Variants in P2RX1 observed in about 807,000 individuals in gnomAD.
P2RX1 encodes P2X purinoceptor 1.
Under a neutral mutation model 50.3 loss-of-function variants are expected in P2RX1, and 42 were observed. The ratio of observed to expected loss-of-function variants is 0.83; its 90% CI spans 0.65 to 1.08. P2RX1 has a LOEUF of 1.08. Among genes scored for constraint, P2RX1 ranks in the 50% least tolerant of loss-of-function variants. The probability of loss-of-function intolerance (pLI) is 0.00; values close to 1 mark genes in which losing one functional copy is unlikely to be tolerated. For synonymous variants in P2RX1, 199 were observed against 202.6 expected (o/e 0.98, Z 0.15); for missense variants, 449 against 529.0 (o/e 0.85, Z 1.48).
chr17:3,908,281 C>A (rs185303284), intron 1 of P2RX1, among the ~76,000 whole-genome samples: 2 of 152,296 alleles, frequency 1.3e-5, no homozygotes, highest in East Asian at 1.9e-4. Context: ...TGACTATGGG[C>A]TGGGCGCGGT....
In P2RX1 at chr17:3,899,966, T is replaced by G. The variant is rs185923067; in HGVS notation, c.748-205A>C. On this transcript the variant is annotated intron_variant, in intron 7 of 11. Transcript: ENST00000225538. ...AAATACAAAAATTAGCCAGGTGTGG[T>G]GGCGCACGCCTGTAATACCAACTAC... 1.8e-4 allele frequency among the ~76,000 whole-genome samples: 28 copies of G among 152,124 alleles called. No homozygotes were observed. The East Asian group carries it at 5.2e-3, about 28-fold the overall frequency.
At chr17:3,902,397 G>A (rs2056166100) in intron 7 of P2RX1, among the ~76,000 whole-genome samples, 1 of 151,766 alleles carries the variant, frequency 6.6e-6, no homozygotes, top group Admixed American at 6.6e-5. Flanking sequence ...AGGTTCAAGC[G>A]ATTCTCCGGT....
At chr17:3,916,002 C>T (rs780519498) in intron 1 of P2RX1, 87 bp downstream of exon 1, 26 of 1,472,416 alleles carry the variant, frequency 1.8e-5, no homozygotes, top group East Asian at 2.4e-5. Flanking sequence ...AAGAGGGGCT[C>T]GCTGGTGTCA....
chr17:3,907,512 C>T (rs888456333), intron 1 of P2RX1, among the ~76,000 whole-genome samples: 1 of 152,138 alleles, frequency 6.6e-6, no homozygotes, highest in African/African-American at 2.4e-5. Flanking sequence ...CTCTCCAGGC[C>T]TCTTAGTCCC....
chr17:3,903,074 AG>A lies in P2RX1; in HGVS notation c.747+127del. The A allele has an allele frequency of 7.6e-7, 1 of 1,313,388 alleles. No homozygotes were observed. Among genetic ancestry groups the A allele is most frequent in the Non-Finnish European group, 1.1e-6 (1 of 940,360 alleles). The allele number at this position is 1,313,388 out of a possible 1,614,324, so 81.4% of individuals were successfully genotyped here. ...CTGACGCTCAGGGGGCCCCAGTATC[AG>A]GGGACAGACCCATACATATACTCAG... On this transcript the variant is annotated intron_variant, in intron 7 of 11. Coordinates refer to ENST00000225538, the MANE Select transcript of P2RX1 (RefSeq NM_002558.4). This position sits in a 1 kb window ranked among gnomAD's most constrained non-coding sequence, Gnocchi z 4.6.
chr17:3,901,417 G>C (rs9914606), intron 7 of P2RX1, among the ~76,000 whole-genome samples: 4,076 of 152,272 alleles, frequency 0.027, 196 homozygotes, highest in African/African-American at 0.093. Context: ...TTCAGCATGT[G>C]TGTTGCTCCG....
chr17:3,907,358 G>A (rs1271157815), intron 1 of P2RX1, among the ~76,000 whole-genome samples: 1 of 150,014 alleles, frequency 6.7e-6, no homozygotes, highest in African/African-American at 2.5e-5. Context: ...CTGTATACCT[G>A]CAGGGCAAAT....
At chr17:3,898,882 C>T (rs2056081928) in intron 9 of P2RX1, 52 bp downstream of exon 9, 3 of 1,409,286 alleles carry the variant, frequency 2.1e-6, no homozygotes, top group South Asian at 2.3e-5. Context: ...AAGGTACTCA[C>T]AGGAGCTGAG....
At chr17:3,906,188 G>A (rs1379631105) in intron 1 of P2RX1, among the ~76,000 whole-genome samples, 3 of 152,142 alleles carry the variant, frequency 2.0e-5, no homozygotes, top group Non-Finnish European at 2.9e-5. Context: ...CTGGAGTACA[G>A]CGGCGCCATC....
Position 3,903,458 on chromosome 17 carries a change from C to T in P2RX1, c.605+93G>A, listed in dbSNP as rs564511002. Reference sequence around the variant, plus strand: ...CACATTGCCCCTTTGATTCCTTCCACGCCAGCAGGAATGGAGGGAGACAGA... The same window carrying T: ...CACATTGCCCCTTTGATTCCTTCCATGCCAGCAGGAATGGAGGGAGACAGA... On this transcript the variant is annotated intron_variant, in intron 6 of 11. Coordinates refer to ENST00000225538, the MANE Select transcript of P2RX1 (RefSeq NM_002558.4). The surrounding 1 kb of genome is among the most constrained non-coding windows in gnomAD (Gnocchi z 4.6). 2.0e-5 allele frequency: 32 copies of T among 1,585,130 alleles called. No individual in the cohort carries two copies. Among genetic ancestry groups the T allele is most frequent in the Middle Eastern group, 1.7e-4 (1 of 6,008 alleles).
At chr17:3,899,384 A>G (rs1251439138) in intron 8 of P2RX1, among the ~76,000 whole-genome samples, 8 of 149,416 alleles carry the variant, frequency 5.4e-5, no homozygotes, top group African/African-American at 2.0e-4. Context: ...CCAGCTCCCA[A>G]TGTCAGCAAT....
chr17:3,906,659 G>T (rs2056270729), intron 1 of P2RX1, among the ~76,000 whole-genome samples: 1 of 152,202 alleles, frequency 6.6e-6, no homozygotes, highest in African/African-American at 2.4e-5. Flanking sequence ...GGCTCAGTCG[G>T]GAGGTCTTCC....
At position 3,916,233 on chromosome 17, in the gene P2RX1, C is replaced by T. The variant is rs773040501; in HGVS notation, c.-8G>A. 2.4e-5 allele frequency: 39 copies of T among 1,612,718 alleles called. No individual in the cohort carries two copies. The highest frequency in any genetic ancestry group is 3.3e-4 in the Middle Eastern group (2 of 6,022). ...CTGGAACCGCCGTGCCATGGTGGGC[C>T]GGCTGGGGCTCAGAACTGAGCCCCC... is the stretch of plus-strand genomic sequence containing the variant. On this transcript the variant is annotated 5_prime_UTR_variant, in exon 1 of 12. Transcript: ENST00000225538.
rs1042165196 is a variant in P2RX1 at position 3,904,311 on chromosome 17, A to G, written c.427+19T>C. The G allele has an allele frequency of 6.2e-7, 1 of 1,610,686 alleles. No individual in the cohort carries two copies. The highest frequency in any genetic ancestry group is 1.1e-5 in the South Asian group (1 of 91,008). On this transcript the variant is annotated intron_variant, in intron 4 of 11. Transcript: ENST00000225538. ...CGCAGCCGGGGGACTGTGGAGGGAC[A>G]GGAGGAGGCTGACCTTACCTTGGGC...
chr17:3,916,003 G>A (rs375191575), intron 1 of P2RX1, 86 bp downstream of exon 1: 9 of 1,476,612 alleles, frequency 6.1e-6, no homozygotes, highest in African/African-American at 2.8e-5. Context: ...AGAGGGGCTC[G>A]CTGGTGTCAC....
Position 3,916,240 on chromosome 17 carries a change from G to A in P2RX1, c.-15C>T, listed in dbSNP as rs770417489. On this transcript the variant is annotated 5_prime_UTR_variant, in exon 1 of 12. Coordinates refer to ENST00000225538, the MANE Select transcript of P2RX1 (RefSeq NM_002558.4). Reference sequence around the variant, plus strand: ...CGCCGTGCCATGGTGGGCCGGCTGGGGCTCAGAACTGAGCCCCCTGCACGG... The same window carrying A: ...CGCCGTGCCATGGTGGGCCGGCTGGAGCTCAGAACTGAGCCCCCTGCACGG... The A allele has an allele frequency of 6.2e-7, 1 of 1,612,592 alleles. No homozygotes were observed. Among genetic ancestry groups the A allele is most frequent in the East Asian group, 2.2e-5 (1 of 44,876 alleles).
chr17:3,914,932 G>T lies in P2RX1; in HGVS notation c.137+1157C>A, dbSNP rs543618458. Among the ~76,000 whole-genome samples the T allele has an allele frequency of 1.3e-5, 2 of 152,248 alleles. No individual in the cohort carries two copies. The highest frequency in any genetic ancestry group is 1.9e-4 in the East Asian group (1 of 5,186). On this transcript the variant is annotated intron_variant, in intron 1 of 11. Transcript: ENST00000225538. This position sits in a 1 kb window ranked among gnomAD's most constrained non-coding sequence, Gnocchi z 4.1. ...CTGGGTCCACCTGGCCGGCTCTGAG[G>T]TTCTGGGGACTGGTGGGACAGAAGG... is the stretch of plus-strand genomic sequence containing the variant.
chr17:3,901,283 G>A (rs560736203), intron 7 of P2RX1, among the ~76,000 whole-genome samples: 2 of 152,200 alleles, frequency 1.3e-5, no homozygotes, highest in Non-Finnish European at 2.9e-5. Context: ...TAGCCAGGAT[G>A]GTCTCGATCT....
At position 3,904,378 on chromosome 17, in the gene P2RX1, T is replaced by G. The variant is rs1410816147; in HGVS notation, c.379A>C (p.Lys127Gln). Reference protein sequence around the residue: ...CAEHPEGGICKEDSGCTPGKA... With the variant: ...CAEHPEGGICQEDSGCTPGKA... ...CCAGGGGTACAGCCACTGTCTTCCT[T>G]GCATATGCCCCCTTCTGGGTGCTGG... The change falls in exon 4 of 12, where the codon AAG (lysine) becomes CAG (glutamine). Residue 127 changes from lysine (K) to glutamine (Q), a missense_variant. Coordinates refer to ENST00000225538, the MANE Select transcript of P2RX1 (RefSeq NM_002558.4). The G allele has an allele frequency of 6.2e-7, 1 of 1,613,878 alleles. No homozygotes were observed. Among genetic ancestry groups the G allele is most frequent in the East Asian group, 2.2e-5 (1 of 44,874 alleles).
Sources: gnomAD v4.1 joint callset for allele counts (sites outside exome capture counted in the v4.1 genomes callset) on GRCh38, gnomAD v4.1.1 for gene constraint, Gnocchi (gnomAD v3.1) non-coding constraint, MANE v1.5 for transcripts, NCBI Gene and HGNC (gene_info 2026-07-23, HGNC 2026-07-21) for gene names.